NOL4: variants seen among roughly 807,000 people sequenced by gnomAD.
NOL4 encodes nucleolar protein 4.
In NOL4, 17 loss-of-function variants were observed where a neutral mutation model predicts 75.9. The ratio of observed to expected loss-of-function variants is 0.22; its 90% CI spans 0.15 to 0.34. The LOEUF (loss-of-function observed/expected upper bound fraction) is 0.34. Ranked by LOEUF, NOL4 falls within the 10% of genes least tolerant of loss-of-function variation. NOL4 has a pLI of 1.00. For missense variants in NOL4, 614 were observed against 793.5 expected, an observed-to-expected ratio of 0.77 and a Z score of 2.72; for synonymous variants, 292 against 289.9, an observed-to-expected ratio of 1.01 and a Z score of -0.07.
At chr18:34,052,580 T>G (rs2076668599) in intron 5 of NOL4, among the ~76,000 whole-genome samples, 2 of 152,034 alleles carry the variant, frequency 1.3e-5, no homozygotes, top group South Asian at 4.1e-4. Context: ...ACTTTTAAAT[T>G]ATTTATTAAA....
intron 5 of NOL4, among the ~76,000 whole-genome samples, chr18:34,030,363 G>T (rs2075575488): frequency 6.6e-6 from 1 of 152,094 alleles, no homozygotes; most frequent in Non-Finnish European, 1.5e-5. Context: ...AGAGGAAACA[G>T]GGTCATGCAT....
intron 1 of NOL4, among the ~76,000 whole-genome samples, chr18:34,163,603 A>G (rs938145353): frequency 2.6e-5 from 4 of 152,186 alleles, no homozygotes; most frequent in Non-Finnish European, 5.9e-5. Flanking sequence ...ATACAAACAA[A>G]TGGAAGAACA....
intron 6 of NOL4, among the ~76,000 whole-genome samples, chr18:34,014,337 T>C (rs1461819275): frequency 6.6e-6 from 1 of 151,952 alleles, no homozygotes; most frequent in African/African-American, 2.4e-5. Flanking sequence ...CAGTTGCACA[T>C]AAACTGTTCA....
rs769922527 is a variant in NOL4 at position 34,104,056 on chromosome 18, C to A, written c.630G>T (p.Gln210His). Reference protein sequence around the residue: ...KHMKLQLLNSQQDEDESSIES... With the variant: ...KHMKLQLLNSHQDEDESSIES... The stretch of plus-strand genomic sequence containing the variant: ...GATGTTTTTATTTTACCTCATCTTG[C>A]TGTGAGTTTAGCAGCTGCAGCTTCA... The change falls in exon 4 of 11, where the codon CAG (glutamine) becomes CAT (histidine). Residue 210 changes from glutamine to histidine, a missense_variant. Around this residue, in one of 9 missense-constraint regions of NOL4, gnomAD observed 135 missense variants for 220.4 expected, o/e 0.61. Transcript: ENST00000261592. The A allele has an allele frequency of 6.2e-7, 1 of 1,607,586 alleles. No individual in the cohort carries two copies. The highest frequency in any genetic ancestry group is 1.7e-5 in the Admixed American group (1 of 59,876).
chr18:34,167,270 C>T (rs1242749180), intron 1 of NOL4, among the ~76,000 whole-genome samples: 2 of 151,966 alleles, frequency 1.3e-5, no homozygotes, highest in East Asian at 3.9e-4. Flanking sequence ...CTAATGGATA[C>T]CAAGGGAATA....
intron 9 of NOL4, among the ~76,000 whole-genome samples, chr18:33,932,372 T>G (rs1342866197): frequency 6.6e-6 from 1 of 152,066 alleles, no homozygotes; most frequent in Non-Finnish European, 1.5e-5. Context: ...TTCTTAAAGT[T>G]AAGACAAGCT....
At chr18:34,032,120 A>C (rs1456974801) in intron 5 of NOL4, among the ~76,000 whole-genome samples, 2 of 152,214 alleles carry the variant, frequency 1.3e-5, no homozygotes, top group African/African-American at 4.8e-5. Context: ...AGGTGAAAGC[A>C]CAAAGAAAGT....
intron 5 of NOL4, among the ~76,000 whole-genome samples, chr18:34,053,076 C>T (rs373062048): frequency 2.0e-5 from 3 of 151,652 alleles, no homozygotes; most frequent in South Asian, 4.1e-4. Context: ...AAAAGAGAGA[C>T]GAAGAATATG....
chr18:33,881,080 C>T (rs978144632), intron 10 of NOL4, among the ~76,000 whole-genome samples: 31 of 151,620 alleles, frequency 2.0e-4, no homozygotes, highest in African/African-American at 7.5e-4. Context: ...CACAATCTCA[C>T]ATCCCTTGTA....
chr18:34,157,576 A>C (rs570429249), intron 1 of NOL4, among the ~76,000 whole-genome samples: 7 of 152,114 alleles, frequency 4.6e-5, no homozygotes, highest in Non-Finnish European at 1.0e-4. Flanking sequence ...ATGGCAGATA[A>C]AACAATTGAT....
chr18:34,137,320 G>A (rs1466336641), intron 1 of NOL4, among the ~76,000 whole-genome samples: 7 of 152,014 alleles, frequency 4.6e-5, no homozygotes, highest in African/African-American at 1.4e-4. Context: ...TGTTTATGAT[G>A]CAAATAATAC....
chr18:34,183,188 A>G (rs78942861), intron 1 of NOL4, among the ~76,000 whole-genome samples: 1,623 of 152,012 alleles, frequency 0.011, 34 homozygotes, highest in African/African-American at 0.037. Flanking sequence ...ACATAAAAAT[A>G]ATTCTCAAAA....
At chr18:33,982,605 A>G (rs1391977460) in intron 6 of NOL4, among the ~76,000 whole-genome samples, 1 of 152,162 alleles carries the variant, frequency 6.6e-6, no homozygotes, top group Non-Finnish European at 1.5e-5. Flanking sequence ...TTAGTCTGTT[A>G]TTATAGTTTG....
chr18:34,074,032 T>A lies in NOL4; in HGVS notation c.772+19433A>T, dbSNP rs140525331. ...ATCAAGAAATAGCAAAAACAAGAAG[T>A]TACTTATAAATACATTAGAAAATAA... On this transcript the variant is annotated intron_variant, in intron 5 of 10. Transcript: ENST00000261592. Among the ~76,000 whole-genome samples the A allele has an allele frequency of 4.3e-3, 649 of 151,808 alleles. 3 individuals are homozygous for A. The highest frequency in any genetic ancestry group is 0.01 in the Middle Eastern group (3 of 292).
intron 1 of NOL4, among the ~76,000 whole-genome samples, chr18:34,167,128 A>G (rs1410342762): frequency 6.6e-6 from 1 of 151,280 alleles, no homozygotes. Context: ...AAGTCTTTAT[A>G]TCATATTAGG....
At chr18:34,041,136 A>G (rs1032027462) in intron 5 of NOL4, among the ~76,000 whole-genome samples, 1 of 151,996 alleles carries the variant, frequency 6.6e-6, no homozygotes, top group Non-Finnish European at 1.5e-5. Flanking sequence ...GTTACTAATA[A>G]TGTTAGTCCC....
chr18:33,940,054 G>A (rs762354602), intron 9 of NOL4, among the ~76,000 whole-genome samples: 5 of 151,964 alleles, frequency 3.3e-5, no homozygotes, highest in South Asian at 2.1e-4. Context: ...AGGAAACAAC[G>A]GATGCTGGAG....
intron 5 of NOL4, among the ~76,000 whole-genome samples, chr18:34,030,950 G>T (rs886528447): frequency 6.6e-6 from 1 of 151,996 alleles, no homozygotes; most frequent in African/African-American, 2.4e-5. Context: ...AGAAGATTAA[G>T]GTTGACAATA....
At position 34,190,516 on chromosome 18, in the gene NOL4, G is replaced by A. The variant is rs143981774; in HGVS notation, c.264+32474C>T. Among the ~76,000 whole-genome samples the A allele has an allele frequency of 2.9e-3, 434 of 151,896 alleles. 2 individuals carry two copies. Among genetic ancestry groups the A allele is most frequent in the Middle Eastern group, 0.017 (5 of 292 alleles). On this transcript the variant is annotated intron_variant, in intron 1 of 10. Coordinates refer to ENST00000261592, the MANE Select transcript of NOL4 (RefSeq NM_003787.5). Reference sequence around the variant, plus strand: ...GTGCTGTCCTTTATATATGAAGGTAGAATCCCAGTCACCAAAAATAAAATG... The same window carrying A: ...GTGCTGTCCTTTATATATGAAGGTAAAATCCCAGTCACCAAAAATAAAATG...
Sources: gnomAD v4.1 joint callset for allele counts (sites outside exome capture counted in the v4.1 genomes callset) on GRCh38, gnomAD v4.1.1 for gene constraint, gnomAD v4.1.1 regional missense constraint, MANE v1.5 for transcripts, NCBI Gene and HGNC (gene_info 2026-07-23, HGNC 2026-07-21) for gene names.